The following ZNF81 variants were observed in gnomAD, a reference collection of about 807,000 sequenced individuals.
The protein encoded by ZNF81 is zinc finger protein 81.
A neutral mutation model predicts 32.3 loss-of-function variants in ZNF81; 5 were observed. The observed-to-expected ratio is 0.15, with a 90% CI of 0.08 to 0.33. The LOEUF (loss-of-function observed/expected upper bound fraction) is 0.33. Ranked by LOEUF, ZNF81 falls within the 10% of genes least tolerant of loss-of-function variation. The pLI, the probability that ZNF81 is intolerant of heterozygous loss-of-function variation, is 1.00. For missense variants in ZNF81, 379 were observed against 479.8 expected (o/e 0.79, Z 1.96); for synonymous variants, 163 against 166.8 (o/e 0.98, Z 0.17).
intron 2 of ZNF81, among the ~76,000 whole-genome samples, chrX:47,848,558 T>C (rs1441582066): frequency 9.0e-6 from 1 of 111,527 alleles, no homozygotes; most frequent in African/African-American, 3.2e-5. Flanking sequence ...TTAGTAGTAG[T>C]TTTTTTGACA....
At chrX:47,872,669 T>C (rs1273353508) in intron 2 of ZNF81, among the ~76,000 whole-genome samples, 2 of 111,966 alleles carry the variant, frequency 1.8e-5, no homozygotes, top group Admixed American at 9.5e-5. Context: ...TTTACTTCCC[T>C]AAGGTCTTGT....
intron 2 of ZNF81, among the ~76,000 whole-genome samples, chrX:47,874,363 C>G (rs1410995538): frequency 8.9e-6 from 1 of 112,155 alleles, no homozygotes; most frequent in Non-Finnish European, 1.9e-5. Flanking sequence ...AGGTCATCTT[C>G]CAATCCCTAA....
At chrX:47,863,871 A>T (rs1390891380) in intron 2 of ZNF81, among the ~76,000 whole-genome samples, 1 of 111,963 alleles carries the variant, frequency 8.9e-6, no homozygotes, top group African/African-American at 3.2e-5. Flanking sequence ...TAATTGCGTA[A>T]TTCCTTGAGT....
intron 2 of ZNF81, among the ~76,000 whole-genome samples, chrX:47,870,441 G>A (rs1453062571): frequency 2.7e-5 from 3 of 112,331 alleles, no homozygotes; most frequent in African/African-American, 9.7e-5. Flanking sequence ...CTTGTCCAGA[G>A]GACTGAAAAT....
Position 47,914,604 on chromosome X carries a change from A to G in ZNF81, c.278-320A>G, listed in dbSNP as rs890839742. On this transcript the variant is annotated intron_variant, in intron 4 of 4. Transcript: ENST00000338637. ...ATAGCCTAGATGTGTAGTAGGTTAT[A>G]CCATCTGGGTTTTTATAAGTACTGT... 5.0e-4 allele frequency among the ~76,000 whole-genome samples: 56 copies of G among 111,917 alleles called. 1 individual carries two copies. Among genetic ancestry groups the G allele is most frequent in the African/African-American group, 1.7e-3 (52 of 30,851 alleles).
chrX:47,894,099 G>A (rs1333849629), intron 3 of ZNF81, among the ~76,000 whole-genome samples: 1 of 111,665 alleles, frequency 9.0e-6, no homozygotes, highest in African/African-American at 3.3e-5. Context: ...TATAGAACTG[G>A]GCTCAATTCC....
At chrX:47,845,105 A>G (rs1332306123) in intron 1 of ZNF81, among the ~76,000 whole-genome samples, 1 of 112,173 alleles carries the variant, frequency 8.9e-6, no homozygotes, top group Non-Finnish European at 1.9e-5. Context: ...GTTTTGGTAT[A>G]ACATCCTTTT....
At chrX:47,846,495 A>G (rs1452405018) in intron 2 of ZNF81, among the ~76,000 whole-genome samples, 174 bp downstream of exon 2, 1 of 111,737 alleles carries the variant, frequency 8.9e-6, no homozygotes, top group Non-Finnish European at 1.9e-5. Context: ...TCTCCTGTCC[A>G]TTGCTGATTT....
At chrX:47,850,347 TAA>T (rs146962959) in intron 2 of ZNF81, among the ~76,000 whole-genome samples, 39 of 83,101 alleles carry the variant, frequency 4.7e-4, no homozygotes, top group Non-Finnish European at 6.0e-4. Context: ...ACCCATCTCT[TAA>T]AAAAAAAAAA....
chrX:47,858,605 C>T (rs1368403010), intron 2 of ZNF81, among the ~76,000 whole-genome samples: 3 of 111,375 alleles, frequency 2.7e-5, no homozygotes, highest in Admixed American at 1.9e-4. Context: ...AGATGGAGGC[C>T]TTGCTTCCCT....
chrX:47,850,285 G>A (rs1369171232), intron 2 of ZNF81, among the ~76,000 whole-genome samples: 1 of 105,446 alleles, frequency 9.5e-6, no homozygotes, highest in Non-Finnish European at 1.9e-5. Context: ...AGCTGAGGCA[G>A]GAAGATCATT....
chrX:47,912,067 G>C (rs2058741194), intron 4 of ZNF81, among the ~76,000 whole-genome samples: 2 of 110,194 alleles, frequency 1.8e-5, no homozygotes, highest in African/African-American at 3.4e-5. Flanking sequence ...GGGCTCAGGA[G>C]AGGTATAAAG....
chrX:47,854,370 A>G (rs1440429032), intron 2 of ZNF81, among the ~76,000 whole-genome samples: 1 of 112,237 alleles, frequency 8.9e-6, no homozygotes, highest in African/African-American at 3.2e-5. Context: ...TCACTTTCTT[A>G]TCTTTCATGT....
At chrX:47,873,443 C>T (rs1318378542) in intron 2 of ZNF81, among the ~76,000 whole-genome samples, 1 of 111,508 alleles carries the variant, frequency 9.0e-6, no homozygotes, top group Non-Finnish European at 1.9e-5. Flanking sequence ...GCCAGTTGTT[C>T]CTTAGTGGAG....
At position 47,908,693 on chromosome X, in the gene ZNF81, C is replaced by T. The variant is rs180985899; in HGVS notation, c.278-6231C>T. 3.6e-5 allele frequency among the ~76,000 whole-genome samples: 4 copies of T among 112,344 alleles called. No homozygotes were observed. In the East Asian group the frequency reaches 8.3e-4, roughly 23 times the overall value. On this transcript the variant is annotated intron_variant, in intron 4 of 4. Coordinates refer to ENST00000338637, the MANE Select transcript of ZNF81 (RefSeq NM_007137.5). ...GCTATATTCTTGCAATGTGATACTACACAACAATGAAAAGAATGAACTGCT... is the reference window on the plus strand; with the variant it reads ...GCTATATTCTTGCAATGTGATACTATACAACAATGAAAAGAATGAACTGCT...
chrX:47,898,811 T>C (rs920159410), intron 4 of ZNF81, among the ~76,000 whole-genome samples: 2 of 111,951 alleles, frequency 1.8e-5, no homozygotes, highest in East Asian at 2.8e-4. Flanking sequence ...CCCTAAGTAC[T>C]TGATGCTTTT....
chrX:47,841,059 A>T (rs1470833733), intron 1 of ZNF81: 2 of 867,298 alleles, frequency 2.3e-6, no homozygotes, highest in Non-Finnish European at 3.3e-6. Flanking sequence ...TGGTAGCATG[A>T]CGGGCCACTG....
chrX:47,878,640 C>T (rs1405598112), intron 2 of ZNF81, among the ~76,000 whole-genome samples: 7 of 112,155 alleles, frequency 6.2e-5, no homozygotes, highest in Non-Finnish European at 1.1e-4. Flanking sequence ...AGTTCCTCCT[C>T]AATGACAAGC....
At chrX:47,842,343 G>C (rs1222628131) in intron 1 of ZNF81, among the ~76,000 whole-genome samples, 1 of 111,536 alleles carries the variant, frequency 9.0e-6, no homozygotes, top group East Asian at 2.8e-4. Flanking sequence ...TTCCTGGTCC[G>C]TTAACAGGAA....
Sources: gnomAD v4.1 joint callset for allele counts (sites outside exome capture counted in the v4.1 genomes callset) on GRCh38, gnomAD v4.1.1 for gene constraint, MANE v1.5 for transcripts, NCBI Gene and HGNC (gene_info 2026-07-23, HGNC 2026-07-21) for gene names.